Variants in KLHDC1 observed in about 807,000 individuals in gnomAD.
KLHDC1 encodes kelch domain-containing protein 1.
Under a neutral mutation model 68.3 loss-of-function variants are expected in KLHDC1, and 53 were observed. That is an observed-to-expected ratio of 0.78 (90% CI 0.62 to 0.98). The LOEUF is 0.98. Ranked by LOEUF, KLHDC1 falls within the 50% of genes least tolerant of loss-of-function variation. KLHDC1 has a pLI of 0.00. For missense variants in KLHDC1, 470 were observed against 492.3 expected (o/e 0.95, Z 0.43); for synonymous variants, 148 against 159.0 (o/e 0.93, Z 0.52).
At chr14:49,697,366 G>A (rs1003744400) in intron 1 of KLHDC1, among the ~76,000 whole-genome samples, 2 of 152,118 alleles carry the variant, frequency 1.3e-5, no homozygotes, top group African/African-American at 4.8e-5. Context: ...CATCCTATAC[G>A]GGCACAGTTT....
At chr14:49,704,613 C>G (rs113132545) in intron 1 of KLHDC1, among the ~76,000 whole-genome samples, 5,957 of 151,932 alleles carry the variant, frequency 0.039, 391 homozygotes, top group African/African-American at 0.14. Context: ...CTGGGCTGGC[C>G]TTGAACTCCT....
At chr14:49,725,047 G>A (rs1272530737) in intron 5 of KLHDC1, among the ~76,000 whole-genome samples, 2 of 151,952 alleles carry the variant, frequency 1.3e-5, no homozygotes, top group Admixed American at 6.6e-5. Context: ...GCTTGACAAG[G>A]CCTGACAAAA....
At chr14:49,702,121 T>G (rs1422922895) in intron 1 of KLHDC1, among the ~76,000 whole-genome samples, 1 of 140,090 alleles carries the variant, frequency 7.1e-6, no homozygotes, top group Non-Finnish European at 1.5e-5. Context: ...TGAGCCGAGA[T>G]CACACCATTG....
At chr14:49,710,868 C>T (rs962970817) in intron 4 of KLHDC1, among the ~76,000 whole-genome samples, 1 of 152,126 alleles carries the variant, frequency 6.6e-6, no homozygotes, top group Non-Finnish European at 1.5e-5. Flanking sequence ...TGTGGTTTTT[C>T]ACATTTTTAT....
intron 8 of KLHDC1, among the ~76,000 whole-genome samples, 155 bp from the exon 9 acceptor site, chr14:49,732,549 A>G (rs1196193021): frequency 6.6e-6 from 1 of 152,112 alleles, no homozygotes; most frequent in African/African-American, 2.4e-5. Flanking sequence ...TTCATCTAAG[A>G]ATTTAATAAT....
chr14:49,732,012 C>T (rs1477017064), intron 8 of KLHDC1, among the ~76,000 whole-genome samples: 1 of 151,708 alleles, frequency 6.6e-6, no homozygotes, highest in African/African-American at 2.4e-5. Context: ...TATAAAAACC[C>T]ATAATATCCT....
At chr14:49,737,165 C>T (rs1225385769) in intron 10 of KLHDC1, among the ~76,000 whole-genome samples, 2 of 152,180 alleles carry the variant, frequency 1.3e-5, no homozygotes, top group Admixed American at 6.5e-5. Flanking sequence ...TTTGTATTCT[C>T]TCTCCTTTAC....
At chr14:49,740,378 C>T (rs945593347) in intron 11 of KLHDC1, among the ~76,000 whole-genome samples, 196 bp downstream of exon 11, 8 of 152,020 alleles carry the variant, frequency 5.3e-5, no homozygotes, top group African/African-American at 1.7e-4. Context: ...TGCTCTGTCC[C>T]CCAGGCTGGA....
At chr14:49,720,270 G>A (rs192499183) in intron 4 of KLHDC1, among the ~76,000 whole-genome samples, 282 of 152,282 alleles carry the variant, frequency 1.9e-3, no homozygotes, top group Middle Eastern at 0.014. Flanking sequence ...ACAGGCGTGA[G>A]CCACAGCGCT....
At position 49,714,510 on chromosome 14, in the gene KLHDC1, A is replaced by G. The variant is rs186112202; in HGVS notation, c.404+4129A>G. Among the ~76,000 whole-genome samples, 1,281 of 152,124 alleles carry G rather than the reference A, an allele frequency of 8.4e-3. 7 individuals are homozygous for G. Among genetic ancestry groups the G allele is most frequent in the Non-Finnish European group, 0.012 (813 of 67,996 alleles). On this transcript the variant is annotated intron_variant, in intron 4 of 12. Coordinates refer to ENST00000359332, the MANE Select transcript of KLHDC1 (RefSeq NM_172193.3). The stretch of plus-strand genomic sequence containing the variant: ...AAATCTAGGCTGGTTGTGGTGGCTC[A>G]TGCCTGTAATCCCAGTACTTTGGGA...
At chr14:49,723,750 C>A (rs1013710799) in intron 4 of KLHDC1, 124 bp from the exon 5 acceptor site, 2 of 600,472 alleles carry the variant, frequency 3.3e-6, no homozygotes, top group African/African-American at 3.8e-5. Flanking sequence ...TCCCTCAGCT[C>A]TTTATTCTTT....
intron 4 of KLHDC1, among the ~76,000 whole-genome samples, chr14:49,715,147 G>A (rs1888337173): frequency 6.8e-6 from 1 of 147,042 alleles, no homozygotes; most frequent in South Asian, 2.1e-4. Context: ...TTCTGAGACA[G>A]AGTCTCATTC....
chr14:49,716,680 G>T (rs1028396085), intron 4 of KLHDC1, among the ~76,000 whole-genome samples: 3 of 151,994 alleles, frequency 2.0e-5, no homozygotes, highest in Non-Finnish European at 4.4e-5. Flanking sequence ...TACCACGCCC[G>T]GCTTGCTATA....
chr14:49,699,984 C>A, intron 1 of KLHDC1: 1 of 288,140 alleles, frequency 3.5e-6, no homozygotes, highest in Non-Finnish European at 6.7e-6. Flanking sequence ...ATCATTTGAA[C>A]AGTATTATTT....
At chr14:49,700,033 T>C in intron 1 of KLHDC1, 1 of 267,604 alleles carries the variant, frequency 3.7e-6, no homozygotes, top group South Asian at 3.3e-5. Flanking sequence ...TGTGAACCTT[T>C]TTTTTTTTTT....
chr14:49,701,742 T>G (rs1887912253), intron 1 of KLHDC1, among the ~76,000 whole-genome samples: 2 of 152,018 alleles, frequency 1.3e-5, no homozygotes, highest in Non-Finnish European at 2.9e-5. Flanking sequence ...GAGAAAATAT[T>G]TGTAACCAGG....
intron 12 of KLHDC1, among the ~76,000 whole-genome samples, chr14:49,746,901 G>A (rs1889211237): frequency 6.6e-6 from 1 of 150,902 alleles, no homozygotes; most frequent in African/African-American, 2.4e-5. Flanking sequence ...ACTCTTCTCG[G>A]TTCTCCAAAT....
intron 1 of KLHDC1, among the ~76,000 whole-genome samples, chr14:49,695,124 G>GTGTGTGTGTC (rs1566590293): frequency 6.6e-6 from 1 of 150,748 alleles, no homozygotes; most frequent in Non-Finnish European, 1.5e-5. Context: ...TGATGTGTGT[G>GTGTGTGTGTC]TGTGTGTGTG....
At chr14:49,710,566 A>T (rs187482650) in intron 4 of KLHDC1, among the ~76,000 whole-genome samples, 185 bp downstream of exon 4, 96 of 152,282 alleles carry the variant, frequency 6.3e-4, no homozygotes, top group Admixed American at 5.2e-4. Context: ...TTGTTGTCTT[A>T]CTGGACTGGG....
Sources: gnomAD v4.1 joint callset for allele counts (sites outside exome capture counted in the v4.1 genomes callset) on GRCh38, gnomAD v4.1.1 for gene constraint, MANE v1.5 for transcripts, NCBI Gene and HGNC (gene_info 2026-07-23, HGNC 2026-07-21) for gene names.